CEP112: variants seen among roughly 807,000 people sequenced by gnomAD.
CEP112 encodes centrosomal protein 112.
Under a neutral mutation model 153.0 loss-of-function variants are expected in CEP112, and 127 were observed. The ratio of observed to expected loss-of-function variants is 0.83; its 90% confidence interval spans 0.72 to 0.96. The LOEUF (loss-of-function observed/expected upper bound fraction) is 0.96. Among genes scored for constraint, CEP112 ranks in the 40% least tolerant of loss-of-function variants. The pLI, the probability that CEP112 is intolerant of heterozygous loss-of-function variation, is 0.00. For missense variants in CEP112, 1,089 were observed against 1,101.2 expected, an observed-to-expected ratio of 0.99 and a Z score of 0.16; for synonymous variants, 358 against 374.4, an observed-to-expected ratio of 0.96 and a Z score of 0.51.
chr17:65,955,754 CAG>C (rs771621924), intron 18 of CEP112, among the ~76,000 whole-genome samples: 24 of 152,188 alleles, frequency 1.6e-4, no homozygotes, highest in African/African-American at 4.8e-4. Flanking sequence ...AGAAGACAAA[CAG>C]GGACATTATA....
chr17:65,932,753 C>T (rs7503415), intron 18 of CEP112, among the ~76,000 whole-genome samples: 72,740 of 151,904 alleles, frequency 0.48, 18,412 homozygotes, highest in East Asian at 0.89. Context: ...ACCCTCACTT[C>T]CACGAGAACA....
intron 23 of CEP112, among the ~76,000 whole-genome samples, chr17:65,721,664 A>G (rs980232142): frequency 6.6e-6 from 1 of 152,236 alleles, no homozygotes; most frequent in African/African-American, 2.4e-5. Flanking sequence ...AAATCTTGGC[A>G]TAAGTGTCTT....
intron 7 of CEP112, 59 bp downstream of exon 7, chr17:66,096,526 T>A (rs746281935): frequency 2.1e-5 from 26 of 1,227,064 alleles, no homozygotes; most frequent in Non-Finnish European, 2.9e-5. Context: ...AATAACTTAG[T>A]GATTATTTTA....
intron 18 of CEP112, among the ~76,000 whole-genome samples, chr17:65,943,166 G>C (rs2061553396): frequency 6.6e-6 from 1 of 152,154 alleles, no homozygotes; most frequent in Non-Finnish European, 1.5e-5. Flanking sequence ...ATTTATTTCT[G>C]TGCCTGGCTA....
chr17:66,131,900 G>C (rs757817808), intron 5 of CEP112, among the ~76,000 whole-genome samples: 3 of 152,064 alleles, frequency 2.0e-5, no homozygotes, highest in Admixed American at 6.5e-5. Context: ...TGGGTGCAGT[G>C]GCTCATGCCT....
intron 21 of CEP112, among the ~76,000 whole-genome samples, chr17:65,792,292 A>C (rs2054634919): frequency 6.6e-6 from 1 of 152,234 alleles, no homozygotes; most frequent in South Asian, 2.1e-4. Context: ...CAAAATACAC[A>C]GATCGTAATG....
chr17:65,805,459 T>C (rs760443062), intron 21 of CEP112, among the ~76,000 whole-genome samples: 2 of 152,140 alleles, frequency 1.3e-5, no homozygotes, highest in African/African-American at 4.8e-5. Context: ...CAATGTGGGG[T>C]AGATTTTATT....
intron 24 of CEP112, among the ~76,000 whole-genome samples, chr17:65,670,101 C>G (rs544413040): frequency 6.6e-6 from 1 of 151,658 alleles, no homozygotes; most frequent in South Asian, 2.1e-4. Context: ...AGTGCCTTCT[C>G]TTTTTAAAAA....
chr17:65,817,511 T>C (rs1310732078), intron 21 of CEP112, among the ~76,000 whole-genome samples: 1 of 151,924 alleles, frequency 6.6e-6, no homozygotes, highest in African/African-American at 2.4e-5. Flanking sequence ...GTTCCTGTGA[T>C]TTTTAAAAAT....
intron 17 of CEP112, among the ~76,000 whole-genome samples, chr17:65,988,918 A>C (rs1047947221): frequency 2.6e-5 from 4 of 152,100 alleles, no homozygotes; most frequent in African/African-American, 9.7e-5. Context: ...GTCCAGGTAC[A>C]AGAAGGTAAG....
intron 12 of CEP112, 124 bp from the exon 13 acceptor site, chr17:66,030,147 G>A: frequency 1.4e-6 from 1 of 733,710 alleles, no homozygotes; most frequent in South Asian, 3.0e-5. Context: ...CATAAACCAT[G>A]GTAGTAGAAA....
At chr17:66,123,546 T>C (rs2069696992) in intron 6 of CEP112, among the ~76,000 whole-genome samples, 1 of 152,260 alleles carries the variant, frequency 6.6e-6, no homozygotes, top group Admixed American at 6.5e-5. Flanking sequence ...TCTATGCCTT[T>C]AGGACAATTT....
At chr17:65,926,438 T>C (rs2060926875) in intron 19 of CEP112, among the ~76,000 whole-genome samples, 2 of 151,906 alleles carry the variant, frequency 1.3e-5, no homozygotes, top group African/African-American at 2.4e-5. Flanking sequence ...TCAGGCCGGG[T>C]GTGGTGGCTC....
At chr17:65,638,896 C>T (rs186729055) in intron 25 of CEP112, among the ~76,000 whole-genome samples, 4 of 148,570 alleles carry the variant, frequency 2.7e-5, no homozygotes, top group African/African-American at 1.1e-4. Flanking sequence ...GTATCAGATT[C>T]CTTTTTTTTT....
At chr17:65,770,603 C>T (rs934563240) in intron 21 of CEP112, among the ~76,000 whole-genome samples, 2 of 152,026 alleles carry the variant, frequency 1.3e-5, no homozygotes, top group African/African-American at 2.4e-5. Context: ...TTTATTCTCA[C>T]GTTAAAATTT....
At chr17:65,655,292 G>T in intron 24 of CEP112, 1 of 1,405,754 alleles carries the variant, frequency 7.1e-7, no homozygotes, top group South Asian at 1.2e-5. Flanking sequence ...CAGGCTGAGC[G>T]ACCGCAGCCT....
chr17:65,813,685 T>C (rs1598660094), intron 21 of CEP112, among the ~76,000 whole-genome samples: 1 of 152,124 alleles, frequency 6.6e-6, no homozygotes, highest in Non-Finnish European at 1.5e-5. Flanking sequence ...TTAAAGTAGA[T>C]AAGGTGCGTG....
chr17:65,787,960 C>G (rs1215742912), intron 21 of CEP112, among the ~76,000 whole-genome samples: 1 of 152,148 alleles, frequency 6.6e-6, no homozygotes, highest in African/African-American at 2.4e-5. Flanking sequence ...TGTTGAACAG[C>G]AGCAGTGATT....
intron 17 of CEP112, among the ~76,000 whole-genome samples, chr17:65,970,345 T>C (rs1177117744): frequency 9.7e-6 from 1 of 103,010 alleles, no homozygotes; most frequent in Non-Finnish European, 2.2e-5. Context: ...ATTACATGCA[T>C]GTGCACTATG....
Sources: gnomAD v4.1 joint callset for allele counts (sites outside exome capture counted in the v4.1 genomes callset) on GRCh38, gnomAD v4.1.1 for gene constraint, MANE v1.5 for transcripts, NCBI Gene and HGNC (gene_info 2026-07-23, HGNC 2026-07-21) for gene names.